The following ZP3 variants were observed in gnomAD, a reference collection of about 807,000 sequenced individuals.
The protein encoded by ZP3 is zona pellucida glycoprotein 3, also known as zona pellucida sperm-binding protein 3.
In ZP3, 21 loss-of-function variants were observed where a neutral mutation model predicts 35.6. The observed-to-expected ratio is 0.59, with a 90% confidence interval of 0.42 to 0.85. ZP3 has a LOEUF of 0.85. Ranked by LOEUF, ZP3 falls within the 40% of genes least tolerant of loss-of-function variation. The pLI is 0.00. For missense variants in ZP3, 437 were observed against 536.5 expected (o/e 0.81, Z 1.83); for synonymous variants, 207 against 214.5 (o/e 0.96, Z 0.31).
At chr7:76,423,231 A>AAG (rs371941555), upstream of ZP3, among the ~76,000 whole-genome samples, 2 of 148,068 alleles carry the variant, frequency 1.4e-5, no homozygotes, top group African/African-American at 2.5e-5. Flanking sequence ...GAGAGAGGGA[A>AAG]AGAGAGAGAG....
intron 1 of ZP3, among the ~76,000 whole-genome samples, chr7:76,410,410 G>C (rs1233568215): frequency 6.6e-6 from 1 of 150,988 alleles, no homozygotes; most frequent in Non-Finnish European, 1.5e-5. Context: ...GGAGTGCAAT[G>C]GTGTGATCTC....
At chr7:76,423,021 G>GAA (rs760922020), upstream of ZP3, among the ~76,000 whole-genome samples, 201 of 72,764 alleles carry the variant, frequency 2.8e-3, 2 homozygotes, top group Middle Eastern at 6.0e-3. Context: ...GAGAGAGAGA[G>GAA]AGAGAGAAAG....
At chr7:76,422,777 C>G (rs966962142), upstream of ZP3, among the ~76,000 whole-genome samples, 4 of 151,224 alleles carry the variant, frequency 2.6e-5, no homozygotes, top group Non-Finnish European at 5.9e-5. Flanking sequence ...GAGGGAGAAT[C>G]ACTTGAGGTC....
In ZP3 at chr7:76,432,936, T is replaced by G. The variant is rs377382354; in HGVS notation, c.441T>G (p.Asn147Lys). The G allele has an allele frequency of 6.2e-7, 1 of 1,613,804 alleles. No individual in the cohort carries two copies. Among genetic ancestry groups the G allele is most frequent in the Non-Finnish European group, 8.5e-7 (1 of 1,179,954 alleles). ...PIECRYPRQG[N>K]VSSQAILPTW... The stretch of plus-strand genomic sequence containing the variant: ...GCTGTTCTTCTCTCAGGCAGGGCAA[T>G]GTGAGCAGCCAGGCCATCCTGCCCA... The change falls in exon 3 of 8, where the codon AAT (asparagine) becomes AAG (lysine). Residue 147 changes from asparagine (N) to lysine (K), a missense_variant. Around this residue, in one of 6 missense-constraint regions of ZP3, gnomAD observed 352 missense variants for 308.4 expected, o/e 1.14. Transcript: ENST00000394857.
chr7:76,427,339 A>G (rs1394285044), intron 1 of ZP3, among the ~76,000 whole-genome samples: 1 of 151,848 alleles, frequency 6.6e-6, no homozygotes, highest in South Asian at 2.1e-4. Flanking sequence ...CGATGGTGAA[A>G]CCTCATCTCT....
upstream of ZP3, among the ~76,000 whole-genome samples, chr7:76,422,927 G>A (rs1190120255): frequency 3.3e-5 from 5 of 150,792 alleles, no homozygotes; most frequent in East Asian, 9.7e-4. Flanking sequence ...AACCCAGGAG[G>A]CGGAGGTTGC....
chr7:76,433,227 C>A (rs1177128657), intron 3 of ZP3, among the ~76,000 whole-genome samples, 197 bp downstream of exon 3: 1 of 139,812 alleles, frequency 7.2e-6, no homozygotes, highest in African/African-American at 2.6e-5. Flanking sequence ...GATCTCAGCT[C>A]ACTGCAGTCT....
intron 1 of ZP3, among the ~76,000 whole-genome samples, chr7:76,427,894 G>A (rs1291851973): frequency 6.6e-6 from 1 of 152,096 alleles, no homozygotes; most frequent in Non-Finnish European, 1.5e-5. Flanking sequence ...TGCCCAGGCT[G>A]GTCGTGACTT....
At chr7:76,412,265 G>A (rs932709981) in intron 1 of ZP3, among the ~76,000 whole-genome samples, 18 of 151,692 alleles carry the variant, frequency 1.2e-4, no homozygotes, top group Non-Finnish European at 2.5e-4. Context: ...TGGATCCCAA[G>A]GGCATTATAA....
chr7:76,422,071 T>A (rs1315903630), upstream of ZP3, among the ~76,000 whole-genome samples: 1 of 152,088 alleles, frequency 6.6e-6, no homozygotes, highest in African/African-American at 2.4e-5. Flanking sequence ...TAATTTTGTA[T>A]TTTTAGTAGA....
At chr7:76,416,598 G>A (rs1441392522) in intron 1 of ZP3, among the ~76,000 whole-genome samples, 2 of 151,886 alleles carry the variant, frequency 1.3e-5, no homozygotes, top group East Asian at 1.9e-4. Context: ...CTTGAGCTCA[G>A]GAGTTTGAGA....
chr7:76,437,613 A>C (rs1806061286), intron 5 of ZP3, among the ~76,000 whole-genome samples: 1 of 150,308 alleles, frequency 6.7e-6, no homozygotes, highest in South Asian at 2.1e-4. Flanking sequence ...CAGCCTCCCA[A>C]GTAGCTGGGA....
chr7:76,404,435 T>G (rs1475908970), intron 1 of ZP3: 1 of 1,613,928 alleles, frequency 6.2e-7, no homozygotes, highest in East Asian at 2.2e-5. Context: ...TGCTTCCTTG[T>G]GCATCTAGAT....
At chr7:76,397,554 A>G in exon 1 of ZP3, 1 of 1,599,536 alleles carries the variant, frequency 6.3e-7, no homozygotes, top group Non-Finnish European at 8.5e-7. Context: ...TGGTGGCCGC[A>G]GTTGTGCACA....
At position 76,433,580 on chromosome 7, in the gene ZP3, C is replaced by A. The variant is rs1439147633; in HGVS notation, c.646C>A (p.His216Asn). The A allele has an allele frequency of 6.2e-7, 1 of 1,614,166 alleles. No individual in the cohort carries two copies. Among genetic ancestry groups the A allele is most frequent in the Non-Finnish European group, 8.5e-7 (1 of 1,180,020 alleles). Residue 216 changes from histidine to asparagine, a missense_variant, in exon 4 of 8, where the codon CAC (histidine) becomes AAC (asparagine). Physicochemically the swap from His to Asn is moderately conservative, Grantham distance 68. This residue lies in a region of ZP3 where 352 missense variants were observed against 308.4 expected (regional missense o/e 1.14). Coordinates refer to ENST00000394857, the MANE Select transcript of ZP3 (RefSeq NM_001110354.2). ...CGTGCCACTGCGGTTGTTTGTGGAC[C>A]ACTGCGTGGCCACACCGACACCAGA... is the stretch of plus-strand genomic sequence containing the variant. ...SHVPLRLFVD[H>N]CVATPTPDQN...
intron 1 of ZP3, among the ~76,000 whole-genome samples, chr7:76,428,428 C>T (rs942961115): frequency 6.6e-6 from 1 of 152,204 alleles, no homozygotes; most frequent in African/African-American, 2.4e-5. Context: ...AAGAGAATCT[C>T]ATACCTTCAC....
At chr7:76,424,722 G>T (rs1278390894), upstream of ZP3, among the ~76,000 whole-genome samples, 1 of 152,188 alleles carries the variant, frequency 6.6e-6, no homozygotes, top group African/African-American at 2.4e-5. Context: ...GATACACGTG[G>T]GGGATTTCCA....
rs1338214696 is a variant in ZP3 at position 76,425,820 on chromosome 7, C to T, written c.312+544C>T. ...TCTCTTAAGCCTTTAAAAAAACTAA[C>T]TGGGGCCTGGTGTGGTGGCTCACGC... On this transcript the variant is annotated intron_variant, in intron 1 of 7. Coordinates refer to ENST00000394857, the MANE Select transcript of ZP3 (RefSeq NM_001110354.2). Among the ~76,000 whole-genome samples the T allele has an allele frequency of 2.0e-5, 3 of 151,976 alleles. No homozygotes were observed. In the South Asian group the frequency reaches 6.2e-4, roughly 32 times the overall value.
At chr7:76,407,380 G>A (rs1805073987) in intron 1 of ZP3, among the ~76,000 whole-genome samples, 1 of 151,438 alleles carries the variant, frequency 6.6e-6, no homozygotes, top group African/African-American at 2.4e-5. Context: ...CGCCCAGGCT[G>A]GAGTGCAGTG....
Sources: gnomAD v4.1 joint callset for allele counts (sites outside exome capture counted in the v4.1 genomes callset) on GRCh38, gnomAD v4.1.1 for gene constraint, gnomAD v4.1.1 regional missense constraint, MANE v1.5 for transcripts, NCBI Gene and HGNC (gene_info 2026-07-23, HGNC 2026-07-21) for gene names.